Variants in PLCXD3 observed in about 807,000 individuals in gnomAD.
PLCXD3 encodes PI-PLC X domain-containing protein 3.
A neutral mutation model predicts 25.5 loss-of-function variants in PLCXD3; 19 were observed. The observed-to-expected ratio is 0.75, with a 90% CI of 0.52 to 1.09. The LOEUF is 1.09. Among genes scored for constraint, PLCXD3 ranks in the 50% least tolerant of loss-of-function variants. The pLI is 0.00. For synonymous variants in PLCXD3, 174 were observed against 137.6 expected (o/e 1.26, Z -1.85); for missense variants, 411 against 388.1 (o/e 1.06, Z -0.50).
At position 41,307,057 on chromosome 5, in the gene PLCXD3, G is replaced by A. The variant is rs1743023820; in HGVS notation, c.*6560C>T. 2.0e-5 allele frequency: 3 copies of A among 152,426 alleles called. No individual in the cohort carries two copies. The highest frequency in any genetic ancestry group is 1.3e-4 in the Admixed American group (2 of 15,250). 9.4% of individuals were successfully genotyped at this position (152,426 alleles called of 1,614,324 possible). On this transcript the variant is annotated 3_prime_UTR_variant, in exon 3 of 3. Transcript: ENST00000377801. ...TTAAAAAATTCACATTTTCTATACA[G>A]ACTGTAGCCATGGATTTTCTTTACA...
intron 2 of PLCXD3, among the ~76,000 whole-genome samples, chr5:41,359,112 G>A (rs950685601): frequency 3.9e-5 from 6 of 152,022 alleles, no homozygotes; most frequent in Non-Finnish European, 7.4e-5. Flanking sequence ...TGTTGGATTC[G>A]GTTTGCTAGT....
At chr5:41,371,847 C>T (rs1745105135) in intron 2 of PLCXD3, among the ~76,000 whole-genome samples, 1 of 152,166 alleles carries the variant, frequency 6.6e-6, no homozygotes, top group Non-Finnish European at 1.5e-5. Context: ...GCCTCCTTCT[C>T]ATGACCTTGG....
intron 1 of PLCXD3, among the ~76,000 whole-genome samples, chr5:41,478,996 C>T (rs1348640511): frequency 1.3e-5 from 2 of 152,280 alleles, no homozygotes; most frequent in East Asian, 3.9e-4. Flanking sequence ...GATTCAATCA[C>T]ATCTGACAAG....
At chr5:41,480,637 T>C (rs181726417) in intron 1 of PLCXD3, among the ~76,000 whole-genome samples, 46 of 152,150 alleles carry the variant, frequency 3.0e-4, no homozygotes, top group African/African-American at 9.9e-4. Flanking sequence ...TATAGCATAG[T>C]GGGCCAGGAG....
intron 1 of PLCXD3, among the ~76,000 whole-genome samples, chr5:41,500,384 C>T (rs550664614): frequency 4.0e-5 from 6 of 151,446 alleles, no homozygotes; most frequent in Non-Finnish European, 8.9e-5. Context: ...CATGTACATA[C>T]GAATGTAGCG....
chr5:41,375,232 C>T (rs1225414216), intron 2 of PLCXD3, among the ~76,000 whole-genome samples: 3 of 152,050 alleles, frequency 2.0e-5, no homozygotes, highest in Non-Finnish European at 2.9e-5. Context: ...GTGGCCTAGA[C>T]CTTTGGCTTT....
chr5:41,393,115 A>G (rs1043040988), intron 1 of PLCXD3, among the ~76,000 whole-genome samples: 3 of 152,210 alleles, frequency 2.0e-5, no homozygotes, highest in African/African-American at 7.2e-5. Flanking sequence ...CCTTGAAGAG[A>G]AAGTGGAAAA....
chr5:41,424,089 C>G (rs1018578825), intron 1 of PLCXD3, among the ~76,000 whole-genome samples: 1 of 152,004 alleles, frequency 6.6e-6, no homozygotes, highest in Non-Finnish European at 1.5e-5. Flanking sequence ...AACTTTCTAC[C>G]CTTTGACCAA....
intron 1 of PLCXD3, among the ~76,000 whole-genome samples, chr5:41,454,088 G>C (rs1355189910): frequency 1.3e-5 from 2 of 151,920 alleles, no homozygotes; most frequent in Non-Finnish European, 2.9e-5. Flanking sequence ...GTTAGAAATA[G>C]ATCACAATGT....
At chr5:41,470,688 T>C (rs1228105837) in intron 1 of PLCXD3, among the ~76,000 whole-genome samples, 1 of 152,210 alleles carries the variant, frequency 6.6e-6, no homozygotes, top group African/African-American at 2.4e-5. Context: ...TACTCTTCTA[T>C]TGGCTGAGTT....
At chr5:41,496,802 A>G (rs917025663) in intron 1 of PLCXD3, among the ~76,000 whole-genome samples, 3 of 151,790 alleles carry the variant, frequency 2.0e-5, no homozygotes, top group Non-Finnish European at 4.4e-5. Flanking sequence ...GAATACTATA[A>G]TACTATAATG....
chr5:41,334,296 C>T (rs1407050016), intron 2 of PLCXD3, among the ~76,000 whole-genome samples: 9 of 152,090 alleles, frequency 5.9e-5, no homozygotes, highest in Non-Finnish European at 4.4e-5. Context: ...GCCACACCAC[C>T]TCACTGCCAA....
chr5:41,313,484 CT>C lies in PLCXD3; in HGVS notation c.*132del. 9.9e-7 allele frequency: 1 copy of C among 1,011,990 alleles called. No individual in the cohort carries two copies. The highest frequency in any genetic ancestry group is 1.4e-6 in the Non-Finnish European group (1 of 699,012). The allele number at this position is 1,011,990 out of a possible 1,614,324, so 62.7% of individuals were successfully genotyped here. A position where few individuals can be genotyped will look rare whatever the true frequency, so the allele number is the denominator to read the frequency against. ...AATCACTGAAGAAACAGTTTTTCCC[CT>C]TTTCCCACCCACTACCAGCCCTATT... On this transcript the variant is annotated 3_prime_UTR_variant, in exon 3 of 3. Coordinates refer to ENST00000377801, the MANE Select transcript of PLCXD3 (RefSeq NM_001005473.3).
intron 1 of PLCXD3, among the ~76,000 whole-genome samples, chr5:41,435,645 G>A (rs552583513): frequency 2.0e-5 from 3 of 152,340 alleles, no homozygotes; most frequent in African/African-American, 4.8e-5. Context: ...AACAGGTGGA[G>A]AAGCCATGGT....
intron 2 of PLCXD3, among the ~76,000 whole-genome samples, chr5:41,319,904 A>T (rs1054844221): frequency 4.6e-5 from 7 of 152,284 alleles, no homozygotes; most frequent in South Asian, 4.1e-4. Flanking sequence ...AATAAATAAA[A>T]TCAGAAATGG....
At chr5:41,363,631 A>G (rs1163037857) in intron 2 of PLCXD3, among the ~76,000 whole-genome samples, 1 of 152,188 alleles carries the variant, frequency 6.6e-6, no homozygotes, top group African/African-American at 2.4e-5. Flanking sequence ...GGAAAGAAAA[A>G]TCCATCTCAT....
Position 41,313,674 on chromosome 5 carries a change from A to G in PLCXD3, c.909T>C (p.Phe303=). The G allele has an allele frequency of 6.2e-7, 1 of 1,613,968 alleles. No homozygotes were observed. Among genetic ancestry groups the G allele is most frequent in the Non-Finnish European group, 8.5e-7 (1 of 1,179,872 alleles). The change falls in exon 3 of 3, where the codon TTT becomes TTC. Residue 303 remains phenylalanine (F), a synonymous_variant. Transcript: ENST00000377801. The part of the protein sequence containing the change: ...VTADFVELGD[F]ISTVIKLNYV... ...AGTTGAGCTTTATGACAGTGCTGAT[A>G]AAGTCACCAAGTTCTACAAAATCGG...
chr5:41,395,955 G>T (rs547434543), intron 1 of PLCXD3, among the ~76,000 whole-genome samples: 4 of 150,742 alleles, frequency 2.7e-5, no homozygotes, highest in Admixed American at 6.6e-5. Flanking sequence ...CTCATTCTAT[G>T]AGGCCAGCAT....
intron 1 of PLCXD3, among the ~76,000 whole-genome samples, chr5:41,504,936 C>A (rs1292481280): frequency 6.6e-6 from 1 of 152,176 alleles, no homozygotes; most frequent in Admixed American, 6.5e-5. Context: ...TACTTTTGGA[C>A]TGGTAAAGTG....
Sources: allele counts gnomAD v4.1 joint callset (sites outside exome capture counted in the v4.1 genomes callset), GRCh38; gene constraint gnomAD v4.1.1; transcripts MANE v1.5; gene names NCBI Gene and HGNC (gene_info 2026-07-23, HGNC 2026-07-21).